The following WWC2 variants were observed in gnomAD, a reference collection of about 807,000 sequenced individuals.
WWC2 encodes WW and C2 domain containing 2.
Under a neutral mutation model 138.5 loss-of-function variants are expected in WWC2, and 101 were observed. The ratio of observed to expected loss-of-function variants is 0.73; its 90% CI spans 0.62 to 0.86. WWC2 has a LOEUF of 0.86. Among genes scored for constraint, WWC2 ranks in the 40% least tolerant of loss-of-function variants. The pLI is 0.00. For missense variants in WWC2, 1,420 were observed against 1,419.4 expected (o/e 1.00, Z -0.01); for synonymous variants, 558 against 538.4 (o/e 1.04, Z -0.50).
chr4:183,113,480 C>CTGTGTGTGTGTG (rs113602820), intron 1 of WWC2, among the ~76,000 whole-genome samples: 38 of 143,806 alleles, frequency 2.6e-4, no homozygotes, highest in African/African-American at 8.9e-4. Flanking sequence ...AAGGTGGGGC[C>CTGTGTGTGTGTG]TGTGTGTGTG....
intron 1 of WWC2, among the ~76,000 whole-genome samples, chr4:183,136,615 A>G (rs1411594737): frequency 2.6e-5 from 4 of 152,218 alleles, no homozygotes; most frequent in African/African-American, 9.6e-5. Context: ...TTGTGTGAAC[A>G]TCATAGAGCA....
intron 1 of WWC2, 128 bp downstream of exon 1, chr4:183,099,750 G>T: frequency 1.0e-6 from 1 of 986,676 alleles, no homozygotes; most frequent in Non-Finnish European, 1.3e-6. Flanking sequence ...AGGGATGTGG[G>T]GCTGGCTGCT....
At chr4:183,282,600 C>T (rs558147293) in intron 17 of WWC2, 108 bp from the exon 18 acceptor site, 1 of 1,133,148 alleles carries the variant, frequency 8.8e-7, no homozygotes, top group Non-Finnish European at 1.3e-6. Flanking sequence ...TGGCTTGGCT[C>T]ATTGTGTGAG....
chr4:183,271,405 T>TA (rs892226870), intron 16 of WWC2, among the ~76,000 whole-genome samples, 164 bp downstream of exon 16: 10 of 151,172 alleles, frequency 6.6e-5, no homozygotes, highest in East Asian at 1.9e-4. Flanking sequence ...CCCAGCTTCC[T>TA]AAAAAAAAAG....
intron 1 of WWC2, among the ~76,000 whole-genome samples, chr4:183,155,189 G>GGGGAGAGAGAGAGAGAGAGAGAGAGAGA (rs1554067851): frequency 2.9e-5 from 3 of 103,654 alleles, no homozygotes; most frequent in African/African-American, 1.0e-4. Context: ...CATCTTCTGA[G>GGGGAGAGAGAGAGAGAGAGAGAGAGAGA]GAGAGAGAGA....
At chr4:183,131,359 T>C (rs1389524312) in intron 1 of WWC2, among the ~76,000 whole-genome samples, 1 of 152,068 alleles carries the variant, frequency 6.6e-6, no homozygotes, top group African/African-American at 2.4e-5. Flanking sequence ...CAAAGCATGA[T>C]TCATGAAAGA....
rs146790468 is a variant in WWC2, at chr4:183,212,827, G to C, written c.522+3802G>C. On this transcript the variant is annotated intron_variant, in intron 4 of 22. Transcript: ENST00000403733. ...TTCCCCAGAATTGTCTTCTAATGTA[G>C]CGGAATCTCTTAGATTAAGCTTCTT... Among the ~76,000 whole-genome samples, 559 of 152,226 alleles carry C rather than the reference G, an allele frequency of 3.7e-3. 3 individuals carry two copies. Among genetic ancestry groups the C allele is most frequent in the African/African-American group, 0.013 (528 of 41,528 alleles).
intron 4 of WWC2, among the ~76,000 whole-genome samples, chr4:183,227,745 T>C (rs1206412404): frequency 2.6e-5 from 4 of 152,048 alleles, no homozygotes; most frequent in Non-Finnish European, 4.4e-5. Flanking sequence ...TTCTTATACC[T>C]TCAGTGTTCT....
chr4:183,268,669 G>A (rs551599289), intron 14 of WWC2, among the ~76,000 whole-genome samples: 66 of 152,260 alleles, frequency 4.3e-4, no homozygotes, highest in African/African-American at 1.3e-3. Flanking sequence ...CAGGTGGGAC[G>A]TTAAATTCGT....
Position 183,247,648 on chromosome 4 carries a change from C to CTATATATACTA in WWC2, c.733-1060_733-1059insTACTATATATA, listed in dbSNP as rs1436358243. On this transcript the variant is annotated intron_variant, in intron 6 of 22. Transcript: ENST00000403733. ...CTATATACTATATATACTATATATA[C>CTATATATACTA]TATATACTATATATACTATATATTA... Among the ~76,000 whole-genome samples the CTATATATACTA allele has an allele frequency of 1.9e-4, 24 of 128,552 alleles. 1 individual carries two copies. Among genetic ancestry groups the CTATATATACTA allele is most frequent in the African/African-American group, 7.7e-4 (23 of 29,864 alleles). The allele number at this position is 128,552 out of a possible 152,430, so 84.3% of individuals were successfully genotyped here.
At chr4:183,296,082 G>A (rs1340695208) in intron 21 of WWC2, among the ~76,000 whole-genome samples, 4 of 152,188 alleles carry the variant, frequency 2.6e-5, no homozygotes, top group African/African-American at 4.8e-5. Flanking sequence ...CATACCTGAC[G>A]GGTGCCGTCA....
rs869172695 is a variant in WWC2 at position 183,164,283 on chromosome 4, TA to T, written c.132-29315del. 1.9e-4 allele frequency among the ~76,000 whole-genome samples: 26 copies of T among 134,022 alleles called. 2 individuals carry two copies. Among genetic ancestry groups the T allele is most frequent in the African/African-American group, 3.4e-4 (11 of 32,798 alleles). 87.9% of individuals were successfully genotyped at this position (134,022 alleles called of 152,430 possible). On this transcript the variant is annotated intron_variant, in intron 1 of 22. Transcript: ENST00000403733. Reference sequence around the variant, plus strand: ...GTGTGCGCATATATATATATATATATATATATATATATATATACATATATAT... The same window carrying T: ...GTGTGCGCATATATATATATATATATTATATATATATATATACATATATAT...
chr4:183,262,888 C>A (rs1380118697), intron 11 of WWC2, among the ~76,000 whole-genome samples: 1 of 152,104 alleles, frequency 6.6e-6, no homozygotes, highest in African/African-American at 2.4e-5. Context: ...AAGCACACTA[C>A]CCAATCTCTC....
chr4:183,269,519 T>C lies in WWC2; in HGVS notation c.2400+356T>C, dbSNP rs1374647507. ...TGACTGCTGTGTATATATTATCTCA[T>C]TTAATCCTCATGACAACCTGATGAA... On this transcript the variant is annotated intron_variant, in intron 15 of 22. Transcript: ENST00000403733. The C allele has an allele frequency of 6.2e-6, 3 of 486,586 alleles. No homozygotes were observed. The Admixed American group carries it at 7.0e-5, about 11-fold the overall frequency. 30.1% of individuals were successfully genotyped at this position (486,586 alleles called of 1,614,324 possible).
At chr4:183,174,048 G>A (rs1235928371) in intron 1 of WWC2, among the ~76,000 whole-genome samples, 4 of 152,014 alleles carry the variant, frequency 2.6e-5, no homozygotes, top group South Asian at 2.1e-4. Context: ...CCAATTCTTC[G>A]GCCTGACAAA....
At chr4:183,132,902 A>G (rs1019499461) in intron 1 of WWC2, among the ~76,000 whole-genome samples, 1 of 151,716 alleles carries the variant, frequency 6.6e-6, no homozygotes, top group East Asian at 1.9e-4. Flanking sequence ...TGTTATTATT[A>G]TTGCACTTGC....
intron 1 of WWC2, among the ~76,000 whole-genome samples, chr4:183,143,820 C>CAA (rs112704293): frequency 5.0e-5 from 7 of 140,106 alleles, no homozygotes; most frequent in African/African-American, 1.8e-4. Context: ...CTCCTCCCCG[C>CAA]AAAAAAAAAA....
At chr4:183,285,659 C>G (rs757553531) in intron 19 of WWC2, among the ~76,000 whole-genome samples, 3 of 152,050 alleles carry the variant, frequency 2.0e-5, no homozygotes, top group Non-Finnish European at 2.9e-5. Flanking sequence ...ACTACAGAGG[C>G]TGAGGCAGGA....
At chr4:183,190,577 C>T (rs1042950298) in intron 1 of WWC2, among the ~76,000 whole-genome samples, 2 of 151,752 alleles carry the variant, frequency 1.3e-5, no homozygotes, top group South Asian at 2.1e-4. Context: ...TGATAGAGTG[C>T]AGAGAAAGTA....
Sources: gnomAD v4.1 joint callset for allele counts (sites outside exome capture counted in the v4.1 genomes callset) on GRCh38, gnomAD v4.1.1 for gene constraint, MANE v1.5 for transcripts, NCBI Gene and HGNC (gene_info 2026-07-23, HGNC 2026-07-21) for gene names.